Variants in PRUNE1 observed in about 807,000 individuals in gnomAD.
PRUNE1 encodes prune exopolyphosphatase 1.
PRUNE1 carries 25 observed loss-of-function variants against 42.5 expected under a neutral mutation model. The observed-to-expected ratio is 0.59, with a 90% CI of 0.43 to 0.82. PRUNE1 has a LOEUF of 0.82. Ranked by LOEUF, PRUNE1 falls within the 40% of genes least tolerant of loss-of-function variation. The pLI is 0.00. For missense variants in PRUNE1, 443 were observed against 539.3 expected (o/e 0.82, Z 1.77); for synonymous variants, 203 against 217.1 (o/e 0.93, Z 0.57).
chr1:151,018,434 C>T, intron 2 of PRUNE1, 33 bp from the exon 3 acceptor site: 1 of 1,551,470 alleles, frequency 6.4e-7, no homozygotes, highest in Non-Finnish European at 8.9e-7. Flanking sequence ...ATTATAAAAC[C>T]TTGTGATACC....
intron 7 of PRUNE1, among the ~76,000 whole-genome samples, chr1:151,029,659 G>A (rs142554645): frequency 3.1e-4 from 47 of 151,482 alleles, no homozygotes; most frequent in Non-Finnish European, 3.7e-4. Flanking sequence ...GAGCCACCGC[G>A]CCCAGCCGAG....
chr1:151,033,825 G>C lies in PRUNE1; in HGVS notation c.953G>C (p.Arg318Pro), dbSNP rs587608641. ...LQTTICEVLE[R>P]SHSPPLKLTP... ...CTTTAGATCTGTGAAGTCCTGGAAC[G>C]CTCCCACTCTCCACCCCTGAAGCTG... The change falls in exon 8 of 8, where the codon CGC becomes CCC. Residue 318 changes from arginine (R) to proline (P), a missense_variant. Physicochemically the swap from Arg to Pro is moderately radical, Grantham distance 103. Coordinates refer to ENST00000271620, the MANE Select transcript of PRUNE1 (RefSeq NM_021222.3). The C allele has an allele frequency of 2.4e-5, 38 of 1,613,608 alleles. No homozygotes were observed. The South Asian group carries it at 4.2e-4, about 18-fold the overall frequency.
At chr1:151,027,716 G>C (rs1674944870) in intron 6 of PRUNE1, among the ~76,000 whole-genome samples, 1 of 150,470 alleles carries the variant, frequency 6.6e-6, no homozygotes, top group Admixed American at 6.7e-5. Context: ...CGAGTAGCTG[G>C]GTCCACAGGT....
Position 151,023,486 on chromosome 1 carries a change from G to C in PRUNE1, c.336-1125G>C, listed in dbSNP as rs142520431. Among the ~76,000 whole-genome samples, 450 of 150,704 alleles carry C rather than the reference G, an allele frequency of 3.0e-3. 4 individuals carry two copies. The highest frequency in any genetic ancestry group is 0.01 in the African/African-American group (427 of 41,058). ...TGTAATCCCAGCACTTTGGGAGGCC[G>C]AGGCGGGCGGATCACGAGGTCAGGA... On this transcript the variant is annotated intron_variant, in intron 3 of 7. Transcript: ENST00000271620.
intron 3 of PRUNE1, among the ~76,000 whole-genome samples, chr1:151,021,564 A>T (rs1386339356): frequency 1.3e-5 from 2 of 152,170 alleles, no homozygotes; most frequent in African/African-American, 4.8e-5. Context: ...AACTACCAAA[A>T]AAGCAACACG....
Position 151,017,863 on chromosome 1 carries a change from T to C in PRUNE1, c.91T>C (p.Ser31Pro). 6.2e-7 allele frequency: 1 copy of C among 1,607,170 alleles called. No individual in the cohort carries two copies. The highest frequency in any genetic ancestry group is 2.2e-5 in the East Asian group (1 of 44,852). The change falls in exon 2 of 8, where the codon TCC (serine) becomes CCC (proline). Residue 31 changes from serine to proline, a missense_variant. By Grantham distance (74) the Ser-to-Pro change is moderately conservative. Transcript: ENST00000271620. ...GGGAAATGAAGCCTGTGATTTGGACTCCACAGTGTCTGCTCTTGCCCTGGC... is the reference window on the plus strand; with the variant it reads ...GGGAAATGAAGCCTGTGATTTGGACCCCACAGTGTCTGCTCTTGCCCTGGC... ...VLGNEACDLDSTVSALALAFY... is the reference protein window; with the variant it reads ...VLGNEACDLDPTVSALALAFY...
intron 3 of PRUNE1, among the ~76,000 whole-genome samples, chr1:151,018,940 G>A (rs1674262778): frequency 6.6e-6 from 1 of 152,220 alleles, no homozygotes; most frequent in Non-Finnish European, 1.5e-5. Flanking sequence ...CTACTTGGGA[G>A]GCTGAGGCGG....
intron 6 of PRUNE1, 33 bp from the exon 7 acceptor site, chr1:151,028,753 G>A: frequency 1.2e-6 from 2 of 1,602,602 alleles, no homozygotes; most frequent in Non-Finnish European, 1.7e-6. Flanking sequence ...TGATGAGAAA[G>A]TCCTTCATCC....
intron 7 of PRUNE1, 126 bp from the exon 8 acceptor site, chr1:151,033,680 G>T (rs587675800): frequency 2.2e-6 from 2 of 915,498 alleles, no homozygotes; most frequent in Non-Finnish European, 3.3e-6. Flanking sequence ...GTGAGCCACC[G>T]CACCCCGCCC....
intron 7 of PRUNE1, among the ~76,000 whole-genome samples, chr1:151,033,115 C>T (rs1178206705): frequency 1.5e-5 from 2 of 130,896 alleles, no homozygotes; most frequent in African/African-American, 2.9e-5. Flanking sequence ...GACGGAGTTT[C>T]GCTCTTGTTG....
At chr1:151,017,214 C>G (rs1031412245) in intron 1 of PRUNE1, among the ~76,000 whole-genome samples, 16 of 152,064 alleles carry the variant, frequency 1.1e-4, no homozygotes, top group Non-Finnish European at 2.1e-4. Flanking sequence ...CCCAAATTCC[C>G]TTTTTTGACT....
chr1:151,014,907 TC>T (rs1421360801), intron 1 of PRUNE1, among the ~76,000 whole-genome samples: 2 of 152,164 alleles, frequency 1.3e-5, no homozygotes, highest in African/African-American at 4.8e-5. Flanking sequence ...AAAAGAATTA[TC>T]CGGCTGGGCA....
intron 2 of PRUNE1, 74 bp from the exon 3 acceptor site, chr1:151,018,393 G>A (rs1180296332): frequency 1.6e-6 from 2 of 1,257,096 alleles, no homozygotes; most frequent in Admixed American, 3.4e-5. Context: ...TGTCTCCTTT[G>A]GTCCCAGTAG....
At chr1:151,018,698 T>C (rs1192107138) in intron 3 of PRUNE1, 29 bp downstream of exon 3, 20 of 1,583,666 alleles carry the variant, frequency 1.3e-5, no homozygotes, top group Non-Finnish European at 1.7e-5. Flanking sequence ...AATTGCTACC[T>C]ATCATGTACC....
intron 3 of PRUNE1, among the ~76,000 whole-genome samples, chr1:151,022,504 C>T (rs1311060255): frequency 1.3e-5 from 2 of 151,290 alleles, no homozygotes; most frequent in Non-Finnish European, 2.9e-5. Context: ...CTGCAAGCTC[C>T]GCCTCCCGGG....
Position 151,017,816 on chromosome 1 carries a change from C to T in PRUNE1, c.44C>T (p.Ser15Phe), listed in dbSNP as rs149560167. 5.7e-4 allele frequency: 901 copies of T among 1,582,244 alleles called. 5 individuals carry two copies. The African/African-American group carries it at 0.01, about 18-fold the overall frequency. ...LQGCRAALQE[S>F]RPLHVVLGNE... ...CCCATTTTCCTTTCTCTCCAGGAGT[C>T]CCGACCTCTACATGTTGTGCTGGGA... Residue 15 changes from serine (S) to phenylalanine (F), a missense_variant, in exon 2 of 8, where the codon TCC becomes TTC. Transcript: ENST00000271620.
chr1:151,032,717 A>AT (rs960940100), intron 7 of PRUNE1, among the ~76,000 whole-genome samples: 38 of 151,566 alleles, frequency 2.5e-4, no homozygotes, highest in Non-Finnish European at 5.6e-4. Context: ...CTGTCTCAAA[A>AT]AAAAAAAAAA....
chr1:151,027,182 T>A, intron 5 of PRUNE1, 51 bp from the exon 6 acceptor site: 1 of 1,405,462 alleles, frequency 7.1e-7, no homozygotes, highest in East Asian at 2.3e-5. Context: ...TTCTTGGTCT[T>A]GGGACCCTGG....
intron 1 of PRUNE1, among the ~76,000 whole-genome samples, chr1:151,009,762 C>G (rs1673634287): frequency 6.6e-6 from 1 of 152,148 alleles, no homozygotes; most frequent in Non-Finnish European, 1.5e-5. Context: ...ATTTTAACAC[C>G]AATTACATAG....
Sources: allele counts gnomAD v4.1 joint callset (sites outside exome capture counted in the v4.1 genomes callset), GRCh38; gene constraint gnomAD v4.1.1; transcripts MANE v1.5; gene names NCBI Gene and HGNC (gene_info 2026-07-23, HGNC 2026-07-21).